Variants in CLCN5 observed in about 807,000 individuals in gnomAD.
The protein encoded by CLCN5 is H(+)/Cl(-) exchange transporter 5.
CLCN5 carries 17 observed loss-of-function variants against 54.0 expected under a neutral mutation model. That is an observed-to-expected ratio of 0.31 (90% confidence interval 0.22 to 0.47). CLCN5 has a LOEUF of 0.47. Ranked by LOEUF, CLCN5 falls within the 20% of genes least tolerant of loss-of-function variation. The pLI is 1.00. For missense variants in CLCN5, 448 were observed against 646.7 expected (o/e 0.69, Z 3.33); for synonymous variants, 222 against 233.0 (o/e 0.95, Z 0.43).
intron 3 of CLCN5, among the ~76,000 whole-genome samples, chrX:49,947,106 G>A (rs1347062934): frequency 2.7e-5 from 3 of 111,630 alleles, no homozygotes; most frequent in Non-Finnish European, 5.6e-5. Context: ...AGAGGCATGA[G>A]CCACCGCGCC....
intron 3 of CLCN5, among the ~76,000 whole-genome samples, chrX:49,961,562 C>T (rs1557174693): frequency 1.8e-5 from 2 of 111,538 alleles, no homozygotes; most frequent in Non-Finnish European, 3.8e-5. Flanking sequence ...TAATCGAGTG[C>T]CAGATGCCAT....
intron 3 of CLCN5, among the ~76,000 whole-genome samples, chrX:49,936,896 A>G (rs1241445487): frequency 1.8e-5 from 2 of 111,723 alleles, no homozygotes; most frequent in Non-Finnish European, 3.8e-5. Flanking sequence ...GTTAATTATG[A>G]TATTTACATA....
chrX:50,060,496 G>A (rs375153560), intron 4 of CLCN5, among the ~76,000 whole-genome samples: 1,395 of 107,257 alleles, frequency 0.013, 21 homozygotes, highest in African/African-American at 0.045. Context: ...CACCTGGCTC[G>A]GAGGGTCCTA....
At chrX:50,044,018 T>G (rs1557187525) in intron 4 of CLCN5, among the ~76,000 whole-genome samples, 1 of 111,786 alleles carries the variant, frequency 8.9e-6, no homozygotes. Context: ...TAGCAAGGCT[T>G]GAAGATACCA....
chrX:49,979,939 T>G (rs895037239), intron 3 of CLCN5, among the ~76,000 whole-genome samples: 5 of 111,584 alleles, frequency 4.5e-5, no homozygotes, highest in Non-Finnish European at 9.4e-5. Context: ...AAAAAAATTC[T>G]GCTGCCTTGC....
At chrX:49,974,396 T>A (rs1274758589) in intron 3 of CLCN5, among the ~76,000 whole-genome samples, 1 of 110,171 alleles carries the variant, frequency 9.1e-6, no homozygotes, top group African/African-American at 3.4e-5. Flanking sequence ...ACCTTCCTAT[T>A]TAGCTCTTTA....
Position 49,922,654 on chromosome X carries a change from C to G in CLCN5, c.-343C>G, listed in dbSNP as rs1925114038. 8.8e-6 allele frequency: 1 copy of G among 113,240 alleles called. No homozygotes were observed. Among genetic ancestry groups the G allele is most frequent in the South Asian group, 3.6e-4 (1 of 2,801 alleles). 9.3% of individuals were successfully genotyped at this position (113,240 alleles called of 1,213,427 possible). Reference sequence around the variant, plus strand: ...GCGCCCGCTTCGCTCCCCCTCCTCCCCGGCTGGGCTGTGTGAATGAAGCTC... The same window carrying G: ...GCGCCCGCTTCGCTCCCCCTCCTCCGCGGCTGGGCTGTGTGAATGAAGCTC... On this transcript the variant is annotated 5_prime_UTR_variant, in exon 1 of 15. Coordinates refer to ENST00000376091, the MANE Select transcript of CLCN5 (RefSeq NM_001127898.4).
chrX:50,007,466 A>G (rs1394489941), intron 3 of CLCN5, among the ~76,000 whole-genome samples: 2 of 105,075 alleles, frequency 1.9e-5, no homozygotes, highest in African/African-American at 7.6e-5. Context: ...ACACACACAC[A>G]CACACACAGA....
At chrX:50,044,003 G>A (rs1258359932) in intron 4 of CLCN5, among the ~76,000 whole-genome samples, 1 of 111,494 alleles carries the variant, frequency 9.0e-6, no homozygotes, top group African/African-American at 3.3e-5. Flanking sequence ...CTGAGCTCTG[G>A]GAATTAGCAA....
intron 3 of CLCN5, among the ~76,000 whole-genome samples, chrX:49,999,060 GC>G (rs1429498069): frequency 1.9e-5 from 2 of 107,778 alleles, no homozygotes; most frequent in Non-Finnish European, 3.8e-5. Context: ...ATTGTTTAGT[GC>G]CCTTCTTACA....
At chrX:50,003,928 CAAACCCAGTTTGTGAGGAAA>C (rs1930016978) in intron 3 of CLCN5, among the ~76,000 whole-genome samples, 1 of 111,898 alleles carries the variant, frequency 8.9e-6, no homozygotes, top group Non-Finnish European at 1.9e-5. Flanking sequence ...CTAATTCTCA[CAAACCCAGTTTGTGAGGAAA>C]ATTGTGTCTA....
chrX:49,931,940 G>A (rs1925676404), intron 3 of CLCN5, among the ~76,000 whole-genome samples: 1 of 109,337 alleles, frequency 9.1e-6, no homozygotes, highest in Non-Finnish European at 1.9e-5. Flanking sequence ...TGATGCTGTG[G>A]GGACTCCCTC....
intron 3 of CLCN5, among the ~76,000 whole-genome samples, chrX:49,982,443 A>G (rs1602010202): frequency 9.0e-6 from 1 of 111,516 alleles, no homozygotes; most frequent in African/African-American, 3.3e-5. Flanking sequence ...GGAAAAGAGA[A>G]CATAAACCCC....
At chrX:50,065,736 A>G (rs1276997562) in intron 4 of CLCN5, among the ~76,000 whole-genome samples, 1 of 106,234 alleles carries the variant, frequency 9.4e-6, no homozygotes, top group Non-Finnish European at 1.9e-5. Context: ...GGCATTATTC[A>G]CAATAGCAAA....
intron 3 of CLCN5, among the ~76,000 whole-genome samples, chrX:50,017,254 G>C (rs1930836486): frequency 8.9e-6 from 1 of 111,817 alleles, no homozygotes; most frequent in Non-Finnish European, 1.9e-5. Flanking sequence ...AGCAGTGAAC[G>C]AGAGTTCCTG....
chrX:50,075,610 A>G (rs782183066), intron 6 of CLCN5, among the ~76,000 whole-genome samples, 185 bp from the exon 7 acceptor site: 11 of 111,423 alleles, frequency 9.9e-5, no homozygotes, highest in African/African-American at 1.3e-4. Context: ...TGCAGAGATA[A>G]TAAGTGAAAA....
chrX:50,080,616 A>G lies in CLCN5; in HGVS notation c.626A>G (p.Asn209Ser), dbSNP rs1402304142. The G allele has an allele frequency of 8.3e-7, 1 of 1,208,584 alleles. No individual in the cohort carries two copies. The highest frequency in any genetic ancestry group is 1.1e-6 in the Non-Finnish European group (1 of 893,660). ...TDEGAFAYIV[N>S]YFMYVLWALL... ...CAGGGAGCCTTTGCCTACATAGTCA[A>G]TTATTTCATGTACGTCCTCTGGGCT... is the stretch of plus-strand genomic sequence containing the variant. The change falls in exon 8 of 15, where the codon AAT (asparagine) becomes AGT (serine). Residue 209 changes from asparagine to serine, a missense_variant. Asn to Ser is a conservative substitution (Grantham distance 46, BLOSUM62 1). Coordinates refer to ENST00000376091, the MANE Select transcript of CLCN5 (RefSeq NM_001127898.4).
At chrX:49,945,753 C>T (rs1296721658) in intron 3 of CLCN5, among the ~76,000 whole-genome samples, 3 of 104,601 alleles carry the variant, frequency 2.9e-5, no homozygotes, top group East Asian at 3.0e-4. Context: ...CGTGCCCGGC[C>T]GCCCTTTCAA....
intron 4 of CLCN5, chrX:50,069,641 A>G (rs1424689035): frequency 3.2e-6 from 3 of 940,746 alleles, no homozygotes; most frequent in African/African-American, 2.0e-5. Context: ...CTCTCTTTGT[A>G]CTGTCACTCT....
Sources: allele counts gnomAD v4.1 joint callset (sites outside exome capture counted in the v4.1 genomes callset), GRCh38; gene constraint gnomAD v4.1.1; transcripts MANE v1.5; gene names NCBI Gene and HGNC (gene_info 2026-07-23, HGNC 2026-07-21).